Variants in DGKB observed in about 807,000 individuals in gnomAD.
DGKB encodes the protein 90 kDa diacylglycerol kinase.
In DGKB, 67 loss-of-function variants were observed where a neutral mutation model predicts 114.3. The observed-to-expected ratio is 0.59, with a 90% CI of 0.48 to 0.72. The LOEUF is 0.72. DGKB is among the 30% of genes least tolerant of loss of function. DGKB has a pLI of 0.00. For missense variants in DGKB, 907 were observed against 975.2 expected (o/e 0.93, Z 0.93); for synonymous variants, 398 against 323.1 (o/e 1.23, Z -2.49).
rs185074438 is a variant in DGKB at position 14,726,043 on chromosome 7, A to T, written c.323-7358T>A. Among the ~76,000 whole-genome samples the T allele has an allele frequency of 3.3e-5, 5 of 152,282 alleles. No individual in the cohort carries two copies. The East Asian group carries it at 9.7e-4, about 29-fold the overall frequency. On this transcript the variant is annotated intron_variant, in intron 5 of 25. Transcript: ENST00000402815. ...TAAAATACATACACATATTATCCCC[A>T]TTTTACATCTAAGAAAACAGAGGAG...
At chr7:14,346,298 A>G (rs1431817703) in intron 21 of DGKB, among the ~76,000 whole-genome samples, 1 of 151,930 alleles carries the variant, frequency 6.6e-6, no homozygotes, top group East Asian at 1.9e-4. Flanking sequence ...ATTGGTTTGG[A>G]AAATGACATT....
intron 21 of DGKB, among the ~76,000 whole-genome samples, chr7:14,401,519 C>A (rs1254426142): frequency 1.3e-5 from 2 of 151,802 alleles, no homozygotes; most frequent in South Asian, 4.1e-4. Flanking sequence ...TTGTCATTGT[C>A]TCATCAATGT....
rs1826910139 is a variant in DGKB, at chr7:14,709,347, A to G, written c.467-7617T>C. 2.2e-5 allele frequency among the ~76,000 whole-genome samples: 3 copies of G among 136,660 alleles called. No homozygotes were observed. The Admixed American group carries it at 2.3e-4, about 10-fold the overall frequency. The allele number at this position is 136,660 out of a possible 152,430, so 89.7% of individuals were successfully genotyped here. A position where few individuals can be genotyped will look rare whatever the true frequency, so the allele number is the denominator to read the frequency against. On this transcript the variant is annotated intron_variant, in intron 6 of 25. Transcript: ENST00000402815. ...GCTGGAGAGGATGTGGAGAAATAGG[A>G]ACACTTTTACACTGTTGGTGGGACT...
At chr7:14,830,777 G>T (rs947241879) in intron 2 of DGKB, among the ~76,000 whole-genome samples, 1 of 152,034 alleles carries the variant, frequency 6.6e-6, no homozygotes, top group Admixed American at 6.6e-5. Context: ...TTTTACAAAA[G>T]AAGTTACTGC....
chr7:14,319,399 C>G (rs1807300808), intron 23 of DGKB, among the ~76,000 whole-genome samples: 1 of 151,984 alleles, frequency 6.6e-6, no homozygotes, highest in Non-Finnish European at 1.5e-5. Context: ...CAGTGCCACT[C>G]TTCTTACTAA....
chr7:14,744,090 A>G (rs764030253), intron 4 of DGKB, among the ~76,000 whole-genome samples: 1 of 152,192 alleles, frequency 6.6e-6, no homozygotes. Flanking sequence ...TTGTTTTGTT[A>G]TTCAGAGTCA....
chr7:14,588,498 T>C (rs1463777791), intron 17 of DGKB, among the ~76,000 whole-genome samples: 4 of 152,092 alleles, frequency 2.6e-5, no homozygotes, highest in African/African-American at 9.7e-5. Context: ...AATTCTTAGT[T>C]TGTTGTGGTG....
At chr7:14,862,100 A>C (rs571083715) in intron 1 of DGKB, among the ~76,000 whole-genome samples, 1 of 152,098 alleles carries the variant, frequency 6.6e-6, no homozygotes, top group African/African-American at 2.4e-5. Flanking sequence ...TTGCTTCCTT[A>C]ACTATTAATG....
At chr7:14,825,577 G>T (rs1253611430) in intron 2 of DGKB, among the ~76,000 whole-genome samples, 8 of 152,032 alleles carry the variant, frequency 5.3e-5, no homozygotes, top group African/African-American at 1.9e-4. Flanking sequence ...AGGAGGCGAG[G>T]CTCAGGTGGT....
intron 19 of DGKB, among the ~76,000 whole-genome samples, chr7:14,580,197 G>T (rs553730068): frequency 2.6e-5 from 4 of 152,050 alleles, no homozygotes; most frequent in East Asian, 3.9e-4. Context: ...TGTTCCCTCC[G>T]CCTATGAAGT....
At chr7:14,876,389 A>T (rs73287412) in intron 1 of DGKB, among the ~76,000 whole-genome samples, 1 of 152,172 alleles carries the variant, frequency 6.6e-6, no homozygotes, top group African/African-American at 2.4e-5. Flanking sequence ...CAAGGCCACA[A>T]ACATAACACT....
intron 20 of DGKB, among the ~76,000 whole-genome samples, chr7:14,562,744 T>C (rs1032803183): frequency 6.6e-6 from 1 of 152,212 alleles, no homozygotes; most frequent in Non-Finnish European, 1.5e-5. Context: ...TAGGAAGCAA[T>C]TAACTTGCCT....
At chr7:14,874,269 C>G (rs927496582) in intron 1 of DGKB, among the ~76,000 whole-genome samples, 1 of 152,010 alleles carries the variant, frequency 6.6e-6, no homozygotes, top group Admixed American at 6.6e-5. Flanking sequence ...TTAGGAGTTA[C>G]TAAACCACAC....
intron 9 of DGKB, among the ~76,000 whole-genome samples, chr7:14,689,207 T>TTATTTTTTTTTA (rs1822321241): frequency 8.0e-6 from 1 of 124,934 alleles, no homozygotes; most frequent in Non-Finnish European, 1.8e-5. Context: ...TTATTTTTTT[T>TTATTTTTTTTTA]TTTTTTTTTT....
At chr7:14,392,624 T>G (rs1821490705) in intron 21 of DGKB, among the ~76,000 whole-genome samples, 2 of 152,176 alleles carry the variant, frequency 1.3e-5, no homozygotes, top group Admixed American at 6.5e-5. Context: ...GGGCATGCAG[T>G]GGCATTGACA....
intron 1 of DGKB, among the ~76,000 whole-genome samples, chr7:14,865,322 C>T (rs976800817): frequency 6.6e-6 from 1 of 152,196 alleles, no homozygotes; most frequent in African/African-American, 2.4e-5. Flanking sequence ...CAAACTATCT[C>T]ATAGGAATGA....
chr7:14,856,603 G>C (rs1482468816), intron 1 of DGKB, among the ~76,000 whole-genome samples: 1 of 151,866 alleles, frequency 6.6e-6, no homozygotes, highest in East Asian at 1.9e-4. Flanking sequence ...ATTCATATTA[G>C]TGCACGTGGC....
At chr7:14,375,386 G>A (rs1818316620) in intron 21 of DGKB, among the ~76,000 whole-genome samples, 1 of 151,978 alleles carries the variant, frequency 6.6e-6, no homozygotes, top group Non-Finnish European at 1.5e-5. Context: ...AAGAGGTAAT[G>A]AACATGTACT....
chr7:14,688,954 GC>G (rs1822210545), intron 9 of DGKB, among the ~76,000 whole-genome samples: 3 of 151,668 alleles, frequency 2.0e-5, no homozygotes, highest in Admixed American at 2.0e-4. Flanking sequence ...GTGAACTAGG[GC>G]TACTATAAAT....
Sources: allele counts gnomAD v4.1 joint callset (sites outside exome capture counted in the v4.1 genomes callset), GRCh38; gene constraint gnomAD v4.1.1; transcripts MANE v1.5; gene names NCBI Gene and HGNC (gene_info 2026-07-23, HGNC 2026-07-21).